The following PDE5A variants were observed in gnomAD, a reference collection of about 807,000 sequenced individuals.
The protein encoded by PDE5A is cGMP-specific 3',5'-cyclic phosphodiesterase.
In PDE5A, 67 loss-of-function variants were observed where a neutral mutation model predicts 110.2. The ratio of observed to expected loss-of-function variants is 0.61; its 90% CI spans 0.50 to 0.75. The LOEUF is 0.75. Among genes scored for constraint, PDE5A ranks in the 30% least tolerant of loss-of-function variants. PDE5A has a pLI of 0.00. For synonymous variants in PDE5A, 328 were observed against 351.2 expected, an observed-to-expected ratio of 0.93 and a Z score of 0.74; for missense variants, 862 against 1,045.1, an observed-to-expected ratio of 0.82 and a Z score of 2.42.
rs201085485 is a variant in PDE5A at position 119,498,550 on chromosome 4, T to C, written c.*51A>G. On this transcript the variant is annotated 3_prime_UTR_variant, in exon 21 of 21. Transcript: ENST00000354960. Reference sequence around the variant, plus strand: ...GACAGTGTGTAAGAAACTAGGCATATTGCAGAACACACCATCTCTGTAAAC... The same window carrying C: ...GACAGTGTGTAAGAAACTAGGCATACTGCAGAACACACCATCTCTGTAAAC... The C allele has an allele frequency of 5.0e-6, 8 of 1,605,142 alleles. No homozygotes were observed. The highest frequency in any genetic ancestry group is 6.8e-6 in the Non-Finnish European group (8 of 1,172,898).
chr4:119,587,407 C>T (rs1307070770), intron 3 of PDE5A, among the ~76,000 whole-genome samples: 7 of 148,134 alleles, frequency 4.7e-5, no homozygotes, highest in Admixed American at 1.4e-4. Context: ...GACGGAGTCT[C>T]GCTCTGTCGC....
At chr4:119,622,158 A>G (rs1035184889) in intron 1 of PDE5A, among the ~76,000 whole-genome samples, 5 of 144,502 alleles carry the variant, frequency 3.5e-5, no homozygotes, top group African/African-American at 7.7e-5. Context: ...TGGGCGACAG[A>G]GCGAGACTCC....
chr4:119,612,128 C>T (rs1050716016), intron 1 of PDE5A, among the ~76,000 whole-genome samples: 1 of 152,190 alleles, frequency 6.6e-6, no homozygotes, highest in African/African-American at 2.4e-5. Context: ...ACCCTAACCC[C>T]GAAGGTGATA....
chr4:119,533,055 T>C (rs935436536), intron 11 of PDE5A, among the ~76,000 whole-genome samples: 4 of 152,206 alleles, frequency 2.6e-5, no homozygotes, highest in African/African-American at 9.6e-5. Context: ...TGGTCTTTCA[T>C]AAAATGTCAA....
chr4:119,562,039 C>A (rs1727761050), intron 6 of PDE5A, among the ~76,000 whole-genome samples: 1 of 152,160 alleles, frequency 6.6e-6, no homozygotes, highest in South Asian at 2.1e-4. Context: ...AAATGAACAA[C>A]CTATTCTTAG....
At chr4:119,520,435 T>C (rs1483155356) in intron 13 of PDE5A, among the ~76,000 whole-genome samples, 1 of 152,084 alleles carries the variant, frequency 6.6e-6, no homozygotes, top group African/African-American at 2.4e-5. Context: ...CAGTCTCTGG[T>C]CAATGTATAT....
chr4:119,594,658 CTTAG>C (rs1164882705), intron 3 of PDE5A, among the ~76,000 whole-genome samples: 5 of 152,198 alleles, frequency 3.3e-5, no homozygotes, highest in Admixed American at 1.3e-4. Flanking sequence ...CATTCACATA[CTTAG>C]TTAATTAAAC....
chr4:119,502,746 A>ATATC lies in PDE5A; in HGVS notation c.2332-95_2332-92dup, dbSNP rs140243335. On this transcript the variant is annotated intron_variant, in intron 18 of 20. Coordinates refer to ENST00000354960, the MANE Select transcript of PDE5A (RefSeq NM_001083.4). ...GAATGAAGGCCCTGTTAGGAGCTGTATATCTCCATTTTATAGCAAATAAGC... is the reference window on the plus strand; with the variant it reads ...GAATGAAGGCCCTGTTAGGAGCTGTATATCTATCTCCATTTTATAGCAAATAAGC... 932 of 778,928 alleles carry ATATC rather than the reference A, an allele frequency of 1.2e-3. 6 individuals are homozygous for ATATC. In the African/African-American group the frequency reaches 0.014, roughly 12 times the overall value. 48.3% of individuals were successfully genotyped at this position (778,928 alleles called of 1,614,324 possible). A position where few individuals can be genotyped will look rare whatever the true frequency, so the allele number is the denominator to read the frequency against.
In PDE5A at chr4:119,626,008, A is replaced by G. The variant is rs1460439348; in HGVS notation, c.152+2512T>C. ...ATAACTCTTAAAATTGAGGACCTGC[A>G]CTATTAAATATTTTACACTTTCATT... On this transcript the variant is annotated intron_variant, in intron 1 of 20. Coordinates refer to ENST00000354960, the MANE Select transcript of PDE5A (RefSeq NM_001083.4). 3.9e-5 allele frequency among the ~76,000 whole-genome samples: 6 copies of G among 152,222 alleles called. No individual in the cohort carries two copies. In the East Asian group the frequency reaches 1.2e-3, roughly 29 times the overall value.
chr4:119,576,493 G>C (rs1036693613), intron 3 of PDE5A, among the ~76,000 whole-genome samples: 9 of 152,154 alleles, frequency 5.9e-5, no homozygotes, highest in Admixed American at 1.3e-4. Flanking sequence ...CTGTCTCTCA[G>C]ACCACAGTGC....
intron 11 of PDE5A, among the ~76,000 whole-genome samples, chr4:119,535,571 G>T (rs1023104381): frequency 4.8e-4 from 73 of 151,892 alleles, no homozygotes; most frequent in African/African-American, 1.6e-3. Context: ...GGTCAGCCGG[G>T]GTCCTTTTAT....
At chr4:119,510,041 C>T (rs1725685364) in intron 15 of PDE5A, among the ~76,000 whole-genome samples, 1 of 147,828 alleles carries the variant, frequency 6.8e-6, no homozygotes, top group Non-Finnish European at 1.5e-5. Flanking sequence ...TAAGAAACCA[C>T]ATGGAGGTTG....
chr4:119,606,886 G>T lies in PDE5A; in HGVS notation c.564C>A (p.Phe188Leu). 6.2e-7 allele frequency: 1 copy of T among 1,614,200 alleles called. No homozygotes were observed. The highest frequency in any genetic ancestry group is 8.5e-7 in the Non-Finnish European group (1 of 1,180,042). The change falls in exon 2 of 21, where the codon TTC becomes TTA. Residue 188 changes from phenylalanine (F) to leucine (L), a missense_variant. Phe to Leu is a conservative substitution (Grantham distance 22). Coordinates refer to ENST00000354960, the MANE Select transcript of PDE5A (RefSeq NM_001083.4). ...GLISADRYSL[F>L]LVCEDSSNDK... Reference sequence around the variant, plus strand: ...CATTGGAGCTGTCTTCACAGACAAGGAACAGGGAATAGCGGTCAGCAGATA... The same window carrying T: ...CATTGGAGCTGTCTTCACAGACAAGTAACAGGGAATAGCGGTCAGCAGATA...
intron 16 of PDE5A, among the ~76,000 whole-genome samples, chr4:119,507,256 G>A (rs2110458479): frequency 6.6e-6 from 1 of 151,916 alleles, no homozygotes. Flanking sequence ...GTCATGAAAT[G>A]GTCAGAAGTT....
At chr4:119,592,666 T>G (rs534909943) in intron 3 of PDE5A, among the ~76,000 whole-genome samples, 1 of 152,232 alleles carries the variant, frequency 6.6e-6, no homozygotes, top group Non-Finnish European at 1.5e-5. Context: ...GAGCATTTCT[T>G]TTGAGGGTCA....
chr4:119,614,203 T>G (rs1409139258), intron 1 of PDE5A, among the ~76,000 whole-genome samples: 2 of 152,042 alleles, frequency 1.3e-5, no homozygotes, highest in Non-Finnish European at 2.9e-5. Flanking sequence ...CATATCTATG[T>G]TTCTCTGAAA....
At chr4:119,537,186 C>T (rs1726755060) in intron 11 of PDE5A, among the ~76,000 whole-genome samples, 2 of 152,156 alleles carry the variant, frequency 1.3e-5, no homozygotes, top group South Asian at 4.1e-4. Flanking sequence ...TGCCAGCTCA[C>T]ACATTCAAAA....
chr4:119,505,040 T>C (rs1480360301), intron 17 of PDE5A, among the ~76,000 whole-genome samples: 5 of 152,070 alleles, frequency 3.3e-5, no homozygotes, highest in Non-Finnish European at 5.9e-5. Context: ...CCTAATTCAC[T>C]CAACACACAT....
chr4:119,628,030 C>T (rs1257356156), intron 1 of PDE5A: 18 of 985,932 alleles, frequency 1.8e-5, no homozygotes, highest in Non-Finnish European at 2.0e-5. Context: ...TTTGGGCTGT[C>T]CCGTGGACTC....
Sources: gnomAD v4.1 joint callset for allele counts (sites outside exome capture counted in the v4.1 genomes callset) on GRCh38, gnomAD v4.1.1 for gene constraint, MANE v1.5 for transcripts, NCBI Gene and HGNC (gene_info 2026-07-23, HGNC 2026-07-21) for gene names.